ADGRA3: variants seen among roughly 807,000 people sequenced by gnomAD.
ADGRA3 encodes adhesion G protein-coupled receptor A3.
In ADGRA3, 56 loss-of-function variants were observed where a neutral mutation model predicts 119.8. The observed-to-expected ratio is 0.47, with a 90% CI of 0.38 to 0.58. ADGRA3 has a LOEUF of 0.58. ADGRA3 is among the 20% of genes least tolerant of loss of function. The probability of loss-of-function intolerance (pLI) is 0.00; values close to 1 mark genes in which losing one functional copy is unlikely to be tolerated. For synonymous variants in ADGRA3, 607 were observed against 623.8 expected, an observed-to-expected ratio of 0.97 and a Z score of 0.40; for missense variants, 1,516 against 1,649.0, an observed-to-expected ratio of 0.92 and a Z score of 1.40.
At chr4:22,501,144 C>T (rs377524433) in intron 1 of ADGRA3, among the ~76,000 whole-genome samples, 3 of 152,198 alleles carry the variant, frequency 2.0e-5, no homozygotes, top group South Asian at 2.1e-4. Flanking sequence ...TGTGAGCCAA[C>T]ACCTACAAGA....
intron 4 of ADGRA3, among the ~76,000 whole-genome samples, chr4:22,452,067 C>G (rs1439695054): frequency 6.6e-6 from 1 of 152,178 alleles, no homozygotes; most frequent in Admixed American, 6.5e-5. Context: ...TAGACCTGTG[C>G]CAACCCAAAT....
chr4:22,387,924 A>G lies in ADGRA3; in HGVS notation c.3747T>C (p.Ser1249=), dbSNP rs202141366. The G allele has an allele frequency of 1.9e-6, 3 of 1,614,096 alleles. No homozygotes were observed. In the African/African-American group the frequency reaches 4.0e-5, roughly 22 times the overall value. The part of the protein sequence containing the change: ...SSDACSTLPK[S]SRNFEKPVST... ...AAACTGGCTTTTCAAAATTTCTGCT[A>G]CTTTTGGGAAGTGTGCTACAAGCAT... Residue 1249 remains serine (S), a synonymous_variant, in exon 19 of 19, where the codon AGT becomes AGC. Transcript: ENST00000334304.
At chr4:22,421,884 A>C (rs1320692614) in intron 11 of ADGRA3, among the ~76,000 whole-genome samples, 3 of 21,460 alleles carry the variant, frequency 1.4e-4, no homozygotes, top group Admixed American at 5.3e-4. Flanking sequence ...CAGTCTCCAA[A>C]AAAAAAAAAA....
rs908479077 is a variant in ADGRA3 at position 22,516,045 on chromosome 4, T to TGCC, written c.-264_-262dup. ...CGAGCACCGCCTCCTCCTCCTCCTC[T>TGCC]GCCGCCGCCGCCGCCGCCACTGCCT... On this transcript the variant is annotated 5_prime_UTR_variant, in exon 1 of 19. Coordinates refer to ENST00000334304, the MANE Select transcript of ADGRA3 (RefSeq NM_145290.4). 2.8e-4 allele frequency: 43 copies of TGCC among 154,236 alleles called. No individual in the cohort carries two copies. The highest frequency in any genetic ancestry group is 8.2e-4 in the East Asian group (4 of 4,850). 9.6% of individuals were successfully genotyped at this position (154,236 alleles called of 1,614,324 possible). A position where few individuals can be genotyped will look rare whatever the true frequency, so the allele number is the denominator to read the frequency against.
rs915267698 is a variant in ADGRA3, at chr4:22,436,469, C to T, written c.1258G>A (p.Val420Ile). The change falls in exon 9 of 19, where the codon GTC (valine) becomes ATC (isoleucine). Residue 420 changes from valine (V) to isoleucine (I), a missense_variant. Physicochemically the swap from Val to Ile is conservative, Grantham distance 29. Around this residue, in one of 2 missense-constraint regions of ADGRA3, gnomAD observed 428 missense variants for 541.9 expected, o/e 0.79. Transcript: ENST00000334304. The part of the protein sequence containing the change: ...DYSRCQYAND[V>I]TRVLYMFNQM... ...TTAAACATATAAAGAACTCTAGTGA[C>T]ATCATTTGCATACTGACAGCGAGAA... 1 of 1,612,028 alleles carries T rather than the reference C, an allele frequency of 6.2e-7. No homozygotes were observed. The highest frequency in any genetic ancestry group is 8.5e-7 in the Non-Finnish European group (1 of 1,179,720).
intron 1 of ADGRA3, among the ~76,000 whole-genome samples, chr4:22,485,096 T>A (rs1028257475): frequency 6.6e-6 from 1 of 152,170 alleles, no homozygotes; most frequent in African/African-American, 2.4e-5. Context: ...GCACTTTTTT[T>A]TTTGAGACAG....
chr4:22,477,219 C>A (rs1157539541), intron 1 of ADGRA3, among the ~76,000 whole-genome samples: 1 of 152,018 alleles, frequency 6.6e-6, no homozygotes, highest in African/African-American at 2.4e-5. Context: ...ACGTTAGAAA[C>A]TTCACAGGCA....
At chr4:22,500,991 C>T (rs1719031172) in intron 1 of ADGRA3, among the ~76,000 whole-genome samples, 1 of 152,136 alleles carries the variant, frequency 6.6e-6, no homozygotes, top group South Asian at 2.1e-4. Flanking sequence ...GCCTTAAGTT[C>T]TTAAGCTTTC....
chr4:22,409,761 G>T (rs1461924906), intron 14 of ADGRA3, among the ~76,000 whole-genome samples: 3 of 152,162 alleles, frequency 2.0e-5, no homozygotes, highest in African/African-American at 7.2e-5. Context: ...AGAACAGTGT[G>T]TGTAGTATGC....
At chr4:22,429,966 G>A (rs182767517) in intron 10 of ADGRA3, among the ~76,000 whole-genome samples, 1 of 152,154 alleles carries the variant, frequency 6.6e-6, no homozygotes, top group East Asian at 1.9e-4. Flanking sequence ...TGAATCATGG[G>A]GGCAGGTCTT....
rs1718809104 is a variant in ADGRA3, at chr4:22,495,971, A to G, written c.257+19557T>C. Among the ~76,000 whole-genome samples the G allele has an allele frequency of 3.9e-5, 6 of 152,312 alleles. No individual in the cohort carries two copies. In the South Asian group the frequency reaches 1.2e-3, roughly 32 times the overall value. ...ATAATGATACAATTAGAGTATCATC[A>G]TTCTGCAACACTAATAATATAATTG... On this transcript the variant is annotated intron_variant, in intron 1 of 18. Coordinates refer to ENST00000334304, the MANE Select transcript of ADGRA3 (RefSeq NM_145290.4).
chr4:22,408,429 G>T (rs1322941700), intron 14 of ADGRA3, among the ~76,000 whole-genome samples: 1 of 152,068 alleles, frequency 6.6e-6, no homozygotes, highest in Admixed American at 6.6e-5. Context: ...CCCATATTAA[G>T]AAGTCCTATA....
chr4:22,438,828 A>C (rs763711864), intron 7 of ADGRA3, among the ~76,000 whole-genome samples: 17 of 152,084 alleles, frequency 1.1e-4, no homozygotes, highest in Non-Finnish European at 2.2e-4. Context: ...CCCTGTCTAC[A>C]CTAAAAATAT....
intron 1 of ADGRA3, among the ~76,000 whole-genome samples, chr4:22,475,860 T>C (rs559703192): frequency 6.6e-6 from 1 of 152,068 alleles, no homozygotes; most frequent in East Asian, 1.9e-4. Context: ...CACCAAAATA[T>C]CAGAAATCAC....
intron 1 of ADGRA3, among the ~76,000 whole-genome samples, chr4:22,494,097 C>T (rs970711705): frequency 6.6e-6 from 1 of 151,504 alleles, no homozygotes; most frequent in African/African-American, 2.4e-5. Context: ...CCCAGCTACT[C>T]AGGAGGCTGA....
intron 14 of ADGRA3, among the ~76,000 whole-genome samples, 184 bp from the exon 15 acceptor site, chr4:22,402,983 G>A (rs755550314): frequency 2.8e-4 from 42 of 152,040 alleles, no homozygotes; most frequent in Middle Eastern, 6.8e-3. Context: ...TAACTTCTAT[G>A]GTGTTAACTG....
chr4:22,453,862 T>G (rs1717153562), intron 4 of ADGRA3, among the ~76,000 whole-genome samples: 1 of 152,086 alleles, frequency 6.6e-6, no homozygotes, highest in African/African-American at 2.4e-5. Context: ...TTTTTTTTTA[T>G]TTTTTTGAGA....
At chr4:22,399,568 C>T (rs1383818841) in intron 16 of ADGRA3, among the ~76,000 whole-genome samples, 2 of 151,696 alleles carry the variant, frequency 1.3e-5, no homozygotes, top group East Asian at 3.9e-4. Flanking sequence ...TCTCCAGCTC[C>T]ATTTACTGAA....
rs185167496 is a variant in ADGRA3 at position 22,448,758 on chromosome 4, T to A, written c.474-1247A>T. On this transcript the variant is annotated intron_variant, in intron 4 of 18. Transcript: ENST00000334304. ...AAGAACAACACTGGATTGGTTTTTA[T>A]ATTTTATAATTTTTTTGTAAGAAAA... is the stretch of plus-strand genomic sequence containing the variant. Among the ~76,000 whole-genome samples the A allele has an allele frequency of 1.7e-4, 26 of 152,320 alleles. No individual in the cohort carries two copies. In the East Asian group the frequency reaches 4.6e-3, roughly 27 times the overall value.
Sources: allele counts gnomAD v4.1 joint callset (sites outside exome capture counted in the v4.1 genomes callset), GRCh38; gene constraint gnomAD v4.1.1; regional missense constraint gnomAD v4.1.1; transcripts MANE v1.5; gene names NCBI Gene and HGNC (gene_info 2026-07-23, HGNC 2026-07-21).